The following MDGA2 variants were observed in gnomAD, a reference collection of about 807,000 sequenced individuals.
The protein encoded by MDGA2 is MAM domain containing glycosylphosphatidylinositol anchor 2.
MDGA2 carries 40 observed loss-of-function variants against 117.8 expected under a neutral mutation model. The ratio of observed to expected loss-of-function variants is 0.34; its 90% CI spans 0.26 to 0.44. The LOEUF (loss-of-function observed/expected upper bound fraction) is 0.44, where lower values mean the gene tolerates loss of function less well. MDGA2 is among the 20% of genes least tolerant of loss of function. The pLI is 1.00. For synonymous variants in MDGA2, 452 were observed against 439.0 expected (o/e 1.03, Z -0.37); for missense variants, 1,123 against 1,250.6 (o/e 0.90, Z 1.54).
At chr14:47,030,997 G>A (rs1049469448) in intron 8 of MDGA2, among the ~76,000 whole-genome samples, 3 of 151,932 alleles carry the variant, frequency 2.0e-5, no homozygotes, top group Non-Finnish European at 4.4e-5. Flanking sequence ...GATATAGAAT[G>A]GTCTAAAATA....
At position 47,061,502 on chromosome 14, in the gene MDGA2, C is replaced by T; in HGVS notation, c.1272G>A (p.Val424=). The T allele has an allele frequency of 6.2e-7, 1 of 1,613,368 alleles. No individual in the cohort carries two copies. The highest frequency in any genetic ancestry group is 1.3e-5 in the African/African-American group (1 of 74,996). The change falls in exon 7 of 17, where the codon GTG becomes GTA. Residue 424 remains valine, a synonymous_variant. Coordinates refer to ENST00000399232, the MANE Select transcript of MDGA2 (RefSeq NM_001113498.3). Reference sequence around the variant, plus strand: ...CAGCTTCTACTTGGCAAGATATTTTCACCTCACGGCCAATCTGGATGTTGT... The same window carrying T: ...CAGCTTCTACTTGGCAAGATATTTTTACCTCACGGCCAATCTGGATGTTGT... ...KDDNIQIGRE[V]KISCQVEAVP...
At chr14:46,856,724 T>C (rs1021790891) in intron 14 of MDGA2, among the ~76,000 whole-genome samples, 2 of 152,132 alleles carry the variant, frequency 1.3e-5, no homozygotes, top group Non-Finnish European at 2.9e-5. Flanking sequence ...CATTTCTTTC[T>C]TCTGTTTTTC....
At chr14:46,973,787 C>T (rs1886354331) in intron 8 of MDGA2, among the ~76,000 whole-genome samples, 1 of 152,044 alleles carries the variant, frequency 6.6e-6, no homozygotes, top group Admixed American at 6.5e-5. Context: ...TGCAGAAAAC[C>T]CTGAAGATTC....
intron 1 of MDGA2, among the ~76,000 whole-genome samples, chr14:47,668,988 G>A (rs948092971): frequency 8.6e-5 from 13 of 151,986 alleles, no homozygotes; most frequent in African/African-American, 1.9e-4. Context: ...GTGATGAATC[G>A]CCTCTATACC....
At chr14:46,913,180 C>A (rs1158896355) in intron 10 of MDGA2, among the ~76,000 whole-genome samples, 1 of 152,104 alleles carries the variant, frequency 6.6e-6, no homozygotes. Context: ...CATTTTTCTT[C>A]TTCTCCCCTT....
chr14:47,101,807 AG>A (rs1880339965), intron 5 of MDGA2, among the ~76,000 whole-genome samples: 2 of 152,212 alleles, frequency 1.3e-5, no homozygotes, highest in Admixed American at 1.3e-4. Flanking sequence ...GGCAGAATAA[AG>A]AGTTGAAAGA....
intron 10 of MDGA2, among the ~76,000 whole-genome samples, chr14:46,885,852 C>T (rs1274088443): frequency 3.9e-5 from 6 of 152,078 alleles, no homozygotes; most frequent in East Asian, 1.9e-4. Flanking sequence ...CTTGATTGTG[C>T]GTCACATCTG....
intron 1 of MDGA2, among the ~76,000 whole-genome samples, chr14:47,321,761 T>C (rs1159904871): frequency 6.6e-6 from 1 of 152,216 alleles, no homozygotes; most frequent in African/African-American, 2.4e-5. Context: ...AATAAGAATG[T>C]AGTCACATTG....
At chr14:46,858,428 CTTTTTTT>C (rs71112466) in intron 14 of MDGA2, among the ~76,000 whole-genome samples, 2 of 123,802 alleles carry the variant, frequency 1.6e-5, no homozygotes, top group East Asian at 2.3e-4. Flanking sequence ...TTCTTTTTTT[CTTTTTTT>C]TTTTTTTTTT....
At chr14:47,572,538 G>A (rs1290438686) in intron 1 of MDGA2, among the ~76,000 whole-genome samples, 1 of 152,134 alleles carries the variant, frequency 6.6e-6, no homozygotes, top group Non-Finnish European at 1.5e-5. Flanking sequence ...TGAATTGGTG[G>A]TATCCCCTAG....
intron 1 of MDGA2, among the ~76,000 whole-genome samples, chr14:47,525,859 A>T (rs559216656): frequency 6.6e-6 from 1 of 151,688 alleles, no homozygotes; most frequent in South Asian, 2.1e-4. Context: ...TTCAGTTTAA[A>T]TTTTTTATTG....
rs1229199665 is a variant in MDGA2, at chr14:47,298,929, G to A, written c.420+2482C>T. Reference sequence around the variant, plus strand: ...TCTCGATCTCCTGACCTCGTGATCCGCCCGCCTTGGCCTCCTAAAGTGCTG... The same window carrying A: ...TCTCGATCTCCTGACCTCGTGATCCACCCGCCTTGGCCTCCTAAAGTGCTG... On this transcript the variant is annotated intron_variant, in intron 2 of 16. Transcript: ENST00000399232. Among the ~76,000 whole-genome samples, 8 of 151,762 alleles carry A rather than the reference G, an allele frequency of 5.3e-5. No homozygotes were observed. In the South Asian group the frequency reaches 1.0e-3, roughly 20 times the overall value.
intron 1 of MDGA2, among the ~76,000 whole-genome samples, chr14:47,344,330 C>T (rs1890715859): frequency 6.6e-6 from 1 of 152,100 alleles, no homozygotes; most frequent in African/African-American, 2.4e-5. Context: ...GTATTAAAAC[C>T]TCCCTTCCAT....
In MDGA2 at chr14:47,304,767, C is replaced by T. The variant is rs139469996; in HGVS notation, c.281-3217G>A. Among the ~76,000 whole-genome samples, 15 of 152,220 alleles carry T rather than the reference C, an allele frequency of 9.9e-5. No individual in the cohort carries two copies. The East Asian group carries it at 2.3e-3, about 24-fold the overall frequency. On this transcript the variant is annotated intron_variant, in intron 1 of 16. Coordinates refer to ENST00000399232, the MANE Select transcript of MDGA2 (RefSeq NM_001113498.3). ...CCTCTGTCAAGGGTCCTCATGCTTA[C>T]CATCCAACTAAAAGTCCCATTTCTC... is the stretch of plus-strand genomic sequence containing the variant.
intron 2 of MDGA2, among the ~76,000 whole-genome samples, chr14:47,297,684 G>A (rs969455980): frequency 7.2e-5 from 11 of 152,088 alleles, no homozygotes; most frequent in Non-Finnish European, 1.3e-4. Flanking sequence ...CTCATTAAAC[G>A]AGGTAGTCTG....
At chr14:46,858,484 G>A (rs1417887414) in intron 14 of MDGA2, among the ~76,000 whole-genome samples, 1 of 143,280 alleles carries the variant, frequency 7.0e-6, no homozygotes. Context: ...CTGAAGTGCA[G>A]TGGCGCGATC....
chr14:46,900,667 G>A (rs547932049), intron 10 of MDGA2, among the ~76,000 whole-genome samples: 1 of 152,176 alleles, frequency 6.6e-6, no homozygotes, highest in Middle Eastern at 3.4e-3. Flanking sequence ...ATAATTATAG[G>A]GATGAGGAGG....
At chr14:46,992,526 CAGTT>C (rs1389309129) in intron 8 of MDGA2, among the ~76,000 whole-genome samples, 5 of 151,998 alleles carry the variant, frequency 3.3e-5, no homozygotes, top group African/African-American at 1.2e-4. Flanking sequence ...TATACTGTAA[CAGTT>C]GGTAGAAATC....
At position 47,580,253 on chromosome 14, in the gene MDGA2, T is replaced by C. The variant is rs1287367739; in HGVS notation, c.280+94264A>G. ...GGAAGTCCAAGATCAAGACACAAGATTCAGTGTCTTGTGAGGGCCCACTCC... is the reference window on the plus strand; with the variant it reads ...GGAAGTCCAAGATCAAGACACAAGACTCAGTGTCTTGTGAGGGCCCACTCC... On this transcript the variant is annotated intron_variant, in intron 1 of 16. Transcript: ENST00000399232. Among the ~76,000 whole-genome samples the C allele has an allele frequency of 2.0e-5, 3 of 152,042 alleles. 1 individual carries two copies. The South Asian group carries it at 6.2e-4, about 31-fold the overall frequency.
Sources: gnomAD v4.1 joint callset for allele counts (sites outside exome capture counted in the v4.1 genomes callset) on GRCh38, gnomAD v4.1.1 for gene constraint, MANE v1.5 for transcripts, NCBI Gene and HGNC (gene_info 2026-07-23, HGNC 2026-07-21) for gene names.